Variants in TSPAN9 observed in about 807,000 individuals in gnomAD.
The protein encoded by TSPAN9 is tetraspanin-9.
A neutral mutation model predicts 31.0 loss-of-function variants in TSPAN9; 16 were observed. That is an observed-to-expected ratio of 0.52 (90% CI 0.35 to 0.78). The LOEUF (loss-of-function observed/expected upper bound fraction) is 0.78. TSPAN9 is among the 30% of genes least tolerant of loss of function. The pLI, the probability that TSPAN9 is intolerant of heterozygous loss-of-function variation, is 0.01. For missense variants in TSPAN9, 272 were observed against 312.5 expected, an observed-to-expected ratio of 0.87 and a Z score of 0.98; for synonymous variants, 145 against 121.6, an observed-to-expected ratio of 1.19 and a Z score of -1.27.
At chr12:3,177,799 C>T (rs1350161305) in intron 2 of TSPAN9, among the ~76,000 whole-genome samples, 1 of 152,200 alleles carries the variant, frequency 6.6e-6, no homozygotes, top group African/African-American at 2.4e-5. Context: ...TTGTAATATT[C>T]CCAAGTTTAC....
At chr12:3,218,402 C>G (rs1356001156) in intron 3 of TSPAN9, among the ~76,000 whole-genome samples, 2 of 152,218 alleles carry the variant, frequency 1.3e-5, no homozygotes, top group African/African-American at 2.4e-5. Flanking sequence ...AAACCTCTTA[C>G]TGAGCTCTCA....
At chr12:3,222,486 CTGGCACCCCA>C (rs2098385093) in intron 3 of TSPAN9, among the ~76,000 whole-genome samples, 2 of 152,244 alleles carry the variant, frequency 1.3e-5, no homozygotes, top group Admixed American at 1.3e-4. Context: ...TGGGCCACCC[CTGGCACCCCA>C]TGGCACTGCA....
chr12:3,122,280 G>C (rs2098325469), intron 2 of TSPAN9, among the ~76,000 whole-genome samples: 1 of 129,156 alleles, frequency 7.7e-6, no homozygotes, highest in Non-Finnish European at 1.7e-5. Context: ...CTTGCAGTGA[G>C]CCTGCACTCC....
At chr12:3,095,873 C>CT (rs2098308337) in intron 2 of TSPAN9, among the ~76,000 whole-genome samples, 1 of 148,456 alleles carries the variant, frequency 6.7e-6, no homozygotes. Context: ...GGCAGAGGGG[C>CT]TCCTCACATC....
chr12:3,116,162 T>G (rs11837799), intron 2 of TSPAN9, among the ~76,000 whole-genome samples: 12,009 of 152,248 alleles, frequency 0.079, 1,519 homozygotes, highest in African/African-American at 0.27. Flanking sequence ...CCCTGTTGCA[T>G]TTGATCACAG....
At chr12:3,114,775 G>A (rs1565580743) in intron 2 of TSPAN9, among the ~76,000 whole-genome samples, 1 of 151,252 alleles carries the variant, frequency 6.6e-6, no homozygotes, top group East Asian at 2.0e-4. Context: ...CCCAGGAGGT[G>A]GAGGTTGCAG....
rs913459219 is a variant in TSPAN9 at position 3,124,442 on chromosome 12, T to A, written c.-18+40723T>A. ...TATAAATTTTGATACATTCTTTTTT[T>A]TTTTTGGATGGAGTTTTGCTCTTGT... On this transcript the variant is annotated intron_variant, in intron 2 of 8. Transcript: ENST00000011898. Among the ~76,000 whole-genome samples, 10 of 152,244 alleles carry A rather than the reference T, an allele frequency of 6.6e-5. No individual in the cohort carries two copies. The East Asian group carries it at 1.9e-3, about 29-fold the overall frequency.
rs574431007 is a variant in TSPAN9 at position 3,275,919 on chromosome 12, C to G, written c.64-2502C>G. Among the ~76,000 whole-genome samples, 3 of 152,356 alleles carry G rather than the reference C, an allele frequency of 2.0e-5. No individual in the cohort carries two copies. The East Asian group carries it at 5.8e-4, about 29-fold the overall frequency. ...TTTCTTCATGCACACCTTTCTGGTT[C>G]CCCATTTATCAAAATCCTATTCATT... On this transcript the variant is annotated intron_variant, in intron 3 of 8. Coordinates refer to ENST00000011898, the MANE Select transcript of TSPAN9 (RefSeq NM_006675.5).
chr12:3,207,253 G>A (rs2098375794), intron 3 of TSPAN9, among the ~76,000 whole-genome samples: 1 of 151,858 alleles, frequency 6.6e-6, no homozygotes, highest in African/African-American at 2.4e-5. Flanking sequence ...GTCACTGTAG[G>A]TAATCCAGCT....
chr12:3,201,053 G>T (rs1429250392), intron 2 of TSPAN9, 124 bp from the exon 3 acceptor site: 4 of 867,766 alleles, frequency 4.6e-6, no homozygotes, highest in Non-Finnish European at 3.6e-6. Context: ...CGCCTTCTAC[G>T]GCACCGCGGG....
At chr12:3,205,070 C>T (rs1591675555) in intron 3 of TSPAN9, among the ~76,000 whole-genome samples, 1 of 152,138 alleles carries the variant, frequency 6.6e-6, no homozygotes, top group African/African-American at 2.4e-5. Flanking sequence ...AAGTCCTGAT[C>T]CCGCCCAGCT....
chr12:3,226,718 ATGTGTGTG>A (rs60390468), intron 3 of TSPAN9, among the ~76,000 whole-genome samples: 1,537 of 15,004 alleles, frequency 0.1, 79 homozygotes, highest in East Asian at 0.15. Context: ...ATGTGTATGT[ATGTGTGTG>A]TGTGTGTGTG....
chr12:3,138,461 G>A (rs768051189), intron 2 of TSPAN9, among the ~76,000 whole-genome samples: 24 of 135,918 alleles, frequency 1.8e-4, no homozygotes, highest in East Asian at 2.3e-4. Context: ...CTCTCCTCCC[G>A]TTTCTTTTTT....
intron 3 of TSPAN9, among the ~76,000 whole-genome samples, chr12:3,274,437 C>T (rs1235259158): frequency 5.3e-5 from 8 of 151,946 alleles, no homozygotes; most frequent in African/African-American, 1.5e-4. Flanking sequence ...AATCAGGCAG[C>T]TCTATGCAGG....
intron 2 of TSPAN9, among the ~76,000 whole-genome samples, chr12:3,125,239 C>T (rs2098326808): frequency 6.6e-6 from 1 of 150,928 alleles, no homozygotes; most frequent in South Asian, 2.1e-4. Context: ...TATGTACTTG[C>T]TAACATTTCT....
intron 2 of TSPAN9, among the ~76,000 whole-genome samples, chr12:3,195,141 C>G (rs1468033269): frequency 6.6e-6 from 1 of 152,194 alleles, no homozygotes; most frequent in East Asian, 1.9e-4. Context: ...GGGTGCCTCA[C>G]AAGCTGTACC....
At chr12:3,089,197 A>C (rs972095259) in intron 2 of TSPAN9, among the ~76,000 whole-genome samples, 28 of 149,306 alleles carry the variant, frequency 1.9e-4, no homozygotes, top group African/African-American at 6.4e-4. Flanking sequence ...GCGCCACTGC[A>C]CTCCAGCCTG....
chr12:3,146,524 A>C (rs1248535554), intron 2 of TSPAN9, among the ~76,000 whole-genome samples: 2 of 152,204 alleles, frequency 1.3e-5, no homozygotes, highest in African/African-American at 4.8e-5. Flanking sequence ...CATGGAATCC[A>C]AGATCCGATT....
chr12:3,105,519 G>C (rs537997788), intron 2 of TSPAN9, among the ~76,000 whole-genome samples: 21 of 152,034 alleles, frequency 1.4e-4, no homozygotes, highest in African/African-American at 4.6e-4. Context: ...CAGGAGCCTA[G>C]GCCTCTGTGC....
Sources: gnomAD v4.1 joint callset for allele counts (sites outside exome capture counted in the v4.1 genomes callset) on GRCh38, gnomAD v4.1.1 for gene constraint, MANE v1.5 for transcripts, NCBI Gene and HGNC (gene_info 2026-07-23, HGNC 2026-07-21) for gene names.